Variants in NLGN1 observed in about 807,000 individuals in gnomAD.
The protein encoded by NLGN1 is neuroligin-1.
In NLGN1, 12 loss-of-function variants were observed where a neutral mutation model predicts 65.5. The observed-to-expected ratio is 0.18, with a 90% CI of 0.12 to 0.30. The LOEUF is 0.30. Ranked by LOEUF, NLGN1 falls within the 10% of genes least tolerant of loss-of-function variation. The pLI is 1.00. For synonymous variants in NLGN1, 350 were observed against 359.5 expected (o/e 0.97, Z 0.30); for missense variants, 750 against 1,007.1 (o/e 0.74, Z 3.46).
intron 4 of NLGN1, among the ~76,000 whole-genome samples, chr3:173,973,237 A>C (rs1175258134): frequency 6.6e-6 from 1 of 152,150 alleles, no homozygotes. Context: ...TTCTAAGTAT[A>C]CATATAAGAA....
intron 4 of NLGN1, among the ~76,000 whole-genome samples, chr3:173,971,308 C>G: frequency 6.6e-6 from 1 of 151,954 alleles, no homozygotes; most frequent in Non-Finnish European, 1.5e-5. Flanking sequence ...AAGAAGGAGC[C>G]ACTGGAAGTC....
intron 4 of NLGN1, among the ~76,000 whole-genome samples, chr3:174,108,785 G>A (rs1242705615): frequency 1.3e-5 from 2 of 152,026 alleles, no homozygotes; most frequent in Non-Finnish European, 2.9e-5. Flanking sequence ...AGAGGAGCCT[G>A]GCTAAACTTT....
At chr3:174,118,158 C>T (rs559931431) in intron 4 of NLGN1, among the ~76,000 whole-genome samples, 1 of 152,248 alleles carries the variant, frequency 6.6e-6, no homozygotes, top group African/African-American at 2.4e-5. Context: ...TACAACTGCT[C>T]AGGGATTTTT....
intron 4 of NLGN1, among the ~76,000 whole-genome samples, chr3:174,224,101 T>A (rs1352932399): frequency 2.0e-5 from 3 of 152,216 alleles, no homozygotes; most frequent in Non-Finnish European, 4.4e-5. Flanking sequence ...TACTGGTATA[T>A]AAATTATTTT....
At chr3:173,927,803 G>C (rs76384509) in intron 4 of NLGN1, among the ~76,000 whole-genome samples, 2,144 of 152,124 alleles carry the variant, frequency 0.014, 40 homozygotes, top group African/African-American at 0.048. Context: ...AGGTATGCTG[G>C]TGTGTCACAG....
chr3:173,518,789 G>A (rs1470938512), intron 2 of NLGN1, among the ~76,000 whole-genome samples: 1 of 152,086 alleles, frequency 6.6e-6, no homozygotes, highest in East Asian at 1.9e-4. Context: ...CTACGTGGTA[G>A]AAAAGAAAAA....
At chr3:173,754,406 G>T (rs527286428) in intron 3 of NLGN1, among the ~76,000 whole-genome samples, 3 of 151,994 alleles carry the variant, frequency 2.0e-5, no homozygotes, top group Non-Finnish European at 4.4e-5. Flanking sequence ...ACATGAAATT[G>T]CAATGCCCAT....
downstream of NLGN1, among the ~76,000 whole-genome samples, chr3:174,289,967 A>ATATATATG (rs1491215189): frequency 1.9e-5 from 2 of 104,416 alleles, no homozygotes; most frequent in Non-Finnish European, 2.1e-5. Flanking sequence ...ATATATATAT[A>ATATATATG]TGTATATATA....
intron 4 of NLGN1, among the ~76,000 whole-genome samples, chr3:174,032,705 C>T (rs1730275861): frequency 6.6e-6 from 1 of 152,104 alleles, no homozygotes; most frequent in South Asian, 2.1e-4. Flanking sequence ...AAGTTGATGT[C>T]CTTGTGCCCC....
intron 3 of NLGN1, among the ~76,000 whole-genome samples, chr3:173,640,118 T>G (rs530474486): frequency 6.6e-6 from 1 of 152,280 alleles, no homozygotes; most frequent in Non-Finnish European, 1.5e-5. Context: ...TAATGATGCA[T>G]AATGTACCAA....
intron 4 of NLGN1, among the ~76,000 whole-genome samples, chr3:174,263,278 T>C (rs1397530103): frequency 6.8e-6 from 1 of 146,208 alleles, no homozygotes; most frequent in African/African-American, 2.5e-5. Flanking sequence ...ATGTTGACAG[T>C]GGGGTGTTAA....
chr3:173,910,049 A>G (rs146070914), intron 4 of NLGN1, among the ~76,000 whole-genome samples: 3 of 152,294 alleles, frequency 2.0e-5, no homozygotes, highest in African/African-American at 7.2e-5. Context: ...AGAGTCTCTA[A>G]TATTAAACCC....
chr3:173,747,807 T>TC (rs1560289557), intron 3 of NLGN1, among the ~76,000 whole-genome samples: 7 of 106,218 alleles, frequency 6.6e-5, no homozygotes, highest in Admixed American at 1.9e-4. Context: ...TGTTCTTTTT[T>TC]TTTTTTTTTT....
intron 4 of NLGN1, among the ~76,000 whole-genome samples, chr3:174,269,155 G>T (rs1380645985): frequency 6.6e-6 from 1 of 151,636 alleles, no homozygotes; most frequent in Non-Finnish European, 1.5e-5. Flanking sequence ...CCAATTTGGA[G>T]AATTTTTTTA....
At chr3:173,945,603 G>A (rs770641972) in intron 4 of NLGN1, among the ~76,000 whole-genome samples, 29 of 152,112 alleles carry the variant, frequency 1.9e-4, no homozygotes, top group Non-Finnish European at 3.4e-4. Flanking sequence ...CAATGCCAGT[G>A]AAAAGTTGTT....
At chr3:173,587,497 A>G (rs186865072) in intron 2 of NLGN1, among the ~76,000 whole-genome samples, 1 of 152,306 alleles carries the variant, frequency 6.6e-6, no homozygotes, top group Non-Finnish European at 1.5e-5. Context: ...TGCTCTCCCT[A>G]ATAGAGTGGA....
At chr3:173,620,900 A>G (rs763283395) in intron 3 of NLGN1, among the ~76,000 whole-genome samples, 1 of 152,184 alleles carries the variant, frequency 6.6e-6, no homozygotes, top group Non-Finnish European at 1.5e-5. Context: ...GGAAATTGCT[A>G]AAAAGAACAA....
At chr3:173,864,833 A>C (rs993444340) in intron 4 of NLGN1, among the ~76,000 whole-genome samples, 3 of 152,128 alleles carry the variant, frequency 2.0e-5, no homozygotes, top group Non-Finnish European at 4.4e-5. Context: ...GTAAGCAGGG[A>C]TATTTGTAGA....
intron 4 of NLGN1, among the ~76,000 whole-genome samples, chr3:174,090,688 A>G (rs577570899): frequency 6.6e-6 from 1 of 152,238 alleles, no homozygotes; most frequent in South Asian, 2.1e-4. Context: ...ACCCCAAGAG[A>G]AATGGCAATA....
Sources: allele counts gnomAD v4.1 joint callset (sites outside exome capture counted in the v4.1 genomes callset), GRCh38; gene constraint gnomAD v4.1.1; transcripts MANE v1.5; gene names NCBI Gene and HGNC (gene_info 2026-07-23, HGNC 2026-07-21).